CRYBG2: variants seen among roughly 807,000 people sequenced by gnomAD.
The protein encoded by CRYBG2 is beta/gamma crystallin domain-containing protein 2.
CRYBG2 carries 106 observed loss-of-function variants against 153.4 expected under a neutral mutation model. The ratio of observed to expected loss-of-function variants is 0.69; its 90% CI spans 0.59 to 0.81. The LOEUF is 0.81. Among genes scored for constraint, CRYBG2 ranks in the 30% least tolerant of loss-of-function variants. The pLI is 0.00. For synonymous variants in CRYBG2, 851 were observed against 877.8 expected, an observed-to-expected ratio of 0.97 and a Z score of 0.54; for missense variants, 1,996 against 2,112.0, an observed-to-expected ratio of 0.95 and a Z score of 1.08.
In CRYBG2 at chr1:26,344,753, C is replaced by T. The variant is rs760149462; in HGVS notation, c.1905G>A (p.Gln635=). ...GGATGCTACTGCTGCCTTTTGGGCC[C>T]TGGACAACCTCAGTTGACTTGGGGG... The part of the protein sequence containing the change: ...ALSPKSTEVV[Q]GPKGSSSIQK... Residue 635 remains glutamine, a synonymous_variant, in exon 2 of 20, where the codon CAG becomes CAA. Transcript: ENST00000308182. 1.7e-5 allele frequency: 26 copies of T among 1,536,070 alleles called. No individual in the cohort carries two copies. In the South Asian group the frequency reaches 2.9e-4, roughly 17 times the overall value.
chr1:26,341,509 T>A (rs1416479677), intron 5 of CRYBG2, among the ~76,000 whole-genome samples: 7 of 148,948 alleles, frequency 4.7e-5, no homozygotes, highest in Non-Finnish European at 8.8e-5. Context: ...AAATTATAAT[T>A]TTTTTTTACT....
intron 7 of CRYBG2, 95 bp from the exon 8 acceptor site, chr1:26,338,142 C>G (rs1399144017): frequency 1.3e-6 from 2 of 1,496,432 alleles, no homozygotes; most frequent in Admixed American, 2.0e-5. Context: ...GAACCCCAAC[C>G]CCATGTCTTC....
At position 26,336,682 on chromosome 1, in the gene CRYBG2, T is replaced by C. The variant is rs1370913375; in HGVS notation, c.3962A>G (p.Glu1321Gly). ...VGFSGEQYVL[E>G]KGVYRNCEDW... ...CTCGCAGTTACGATACACGCCCTTC[T>C]CCAGCACGTACTGTTCCCCGGAGAA... Residue 1321 changes from glutamate to glycine, a missense_variant, in exon 12 of 20, where the codon GAG (glutamate) becomes GGG (glycine). Transcript: ENST00000308182. The surrounding 1 kb of genome is among the most constrained non-coding windows in gnomAD (Gnocchi z 4.9). The C allele has an allele frequency of 6.4e-7, 1 of 1,563,690 alleles. No individual in the cohort carries two copies. Among genetic ancestry groups the C allele is most frequent in the Non-Finnish European group, 8.7e-7 (1 of 1,153,790 alleles).
At chr1:26,334,287 C>T (rs944305700) in intron 14 of CRYBG2, among the ~76,000 whole-genome samples, 33 of 152,100 alleles carry the variant, frequency 2.2e-4, no homozygotes, top group Middle Eastern at 3.4e-3. Flanking sequence ...TAGCCGGGCG[C>T]GGTGGCGTGC....
chr1:26,332,954 T>C (rs1244945560), intron 14 of CRYBG2, among the ~76,000 whole-genome samples: 1 of 140,570 alleles, frequency 7.1e-6, no homozygotes, highest in African/African-American at 2.7e-5. Context: ...AATGTATGAG[T>C]GTATATTTGC....
At chr1:26,342,636 C>T (rs1049168754) in intron 5 of CRYBG2, 118 bp downstream of exon 5, 34 of 1,459,166 alleles carry the variant, frequency 2.3e-5, no homozygotes, top group South Asian at 6.5e-5. Context: ...TGTCCTCAGC[C>T]GATCCACCTG....
intron 15 of CRYBG2, among the ~76,000 whole-genome samples, chr1:26,329,458 G>A (rs2073973397): frequency 6.6e-6 from 1 of 150,804 alleles, no homozygotes; most frequent in African/African-American, 2.4e-5. Flanking sequence ...TTACAGGGGT[G>A]AGCCACCATG....
In CRYBG2 at chr1:26,339,433, T is replaced by C; in HGVS notation, c.3205-4A>G. The C allele has an allele frequency of 6.2e-7, 1 of 1,613,540 alleles. No individual in the cohort carries two copies. Among genetic ancestry groups the C allele is most frequent in the Non-Finnish European group, 8.5e-7 (1 of 1,179,940 alleles). The stretch of plus-strand genomic sequence containing the variant: ...TGATTTCCGGGGTGCTGTAGTCCTG[T>C]GGAAGGAGGGGGAAAATTAAATATA... On this transcript the variant is annotated splice_polypyrimidine_tract_variant and splice_region_variant and intron_variant, in intron 5 of 19. Coordinates refer to ENST00000308182, the MANE Select transcript of CRYBG2 (RefSeq NM_001039775.4).
Position 26,336,316 on chromosome 1 carries a change from C to T in CRYBG2, c.4071+22G>A, listed in dbSNP as rs376253645. 3.0e-5 allele frequency: 49 copies of T among 1,613,020 alleles called. No individual in the cohort carries two copies. Among genetic ancestry groups the T allele is most frequent in the Non-Finnish European group, 4.2e-5 (49 of 1,179,506 alleles). On this transcript the variant is annotated intron_variant, in intron 13 of 19. Coordinates refer to ENST00000308182, the MANE Select transcript of CRYBG2 (RefSeq NM_001039775.4). The surrounding 1 kb of genome is among the most constrained non-coding windows in gnomAD (Gnocchi z 4.9). ...GGGGAGAGACGTGAGCCCAGCGGCTCCCTGCGGAGTCCCTGCCTTACCTTT... is the reference window on the plus strand; with the variant it reads ...GGGGAGAGACGTGAGCCCAGCGGCTTCCTGCGGAGTCCCTGCCTTACCTTT...
intron 1 of CRYBG2, among the ~76,000 whole-genome samples, chr1:26,353,223 G>A (rs2074304500): frequency 6.6e-6 from 1 of 152,080 alleles, no homozygotes; most frequent in Admixed American, 6.5e-5. Flanking sequence ...CCTACTCATG[G>A]GATGGTTGGG....
At position 26,336,534 on chromosome 1, in the gene CRYBG2, G is replaced by T. The variant is rs1460624333; in HGVS notation, c.4038+72C>A. 2 of 1,541,752 alleles carry T rather than the reference G, an allele frequency of 1.3e-6. No individual in the cohort carries two copies. Among genetic ancestry groups the T allele is most frequent in the Admixed American group, 2.0e-5 (1 of 49,292 alleles). On this transcript the variant is annotated intron_variant, in intron 12 of 19. Coordinates refer to ENST00000308182, the MANE Select transcript of CRYBG2 (RefSeq NM_001039775.4). This position sits in a 1 kb window ranked among gnomAD's most constrained non-coding sequence, Gnocchi z 4.9. Reference sequence around the variant, plus strand: ...AGGTCCTCCAGCCCGCTACCTCTGCGTGGGGGCGGGGCGCACCCGAACTCC... The same window carrying T: ...AGGTCCTCCAGCCCGCTACCTCTGCTTGGGGGCGGGGCGCACCCGAACTCC...
At chr1:26,338,196 C>T in intron 7 of CRYBG2, 149 bp from the exon 8 acceptor site, 1 of 1,401,210 alleles carries the variant, frequency 7.1e-7, no homozygotes, top group Non-Finnish European at 9.7e-7. Flanking sequence ...TCTCCTCCCA[C>T]TCCCATTCCC....
In CRYBG2 at chr1:26,324,151, C is replaced by T. The variant is rs751420327; in HGVS notation, c.4737+1G>A. 54 of 1,612,880 alleles carry T rather than the reference C, an allele frequency of 3.3e-5. No homozygotes were observed. The Admixed American group carries it at 9.0e-4, about 27-fold the overall frequency. ...CCCTGTGCCAGCCCCTGTATCAGTA[C>T]CTGGTTCTTCAGCAGCCCATCCTCG... On this transcript the variant is annotated splice_donor_variant, in intron 18 of 19. Transcript: ENST00000308182. LOFTEE classifies it high-confidence loss of function.
rs778443167 is a variant in CRYBG2, at chr1:26,345,182, G to T, written c.1476C>A (p.Pro492=). 2 of 1,427,282 alleles carry T rather than the reference G, an allele frequency of 1.4e-6. No individual in the cohort carries two copies. The highest frequency in any genetic ancestry group is 4.0e-5 in the Admixed American group (2 of 50,368). The allele number at this position is 1,427,282 out of a possible 1,614,324, so 88.4% of individuals were successfully genotyped here. The change falls in exon 2 of 20, where the codon CCC becomes CCA. Residue 492 remains proline (P), a synonymous_variant. Coordinates refer to ENST00000308182, the MANE Select transcript of CRYBG2 (RefSeq NM_001039775.4). ...QGSSASAASS[P]TWKEVVKGPG... ...GGCCCTTCACGACCTCTTTCCAGGT[G>T]GGGGACGAGGCAGCAGAAGCACTGG...
At chr1:26,335,098 T>C (rs991897194) in intron 14 of CRYBG2, among the ~76,000 whole-genome samples, 6 of 142,408 alleles carry the variant, frequency 4.2e-5, no homozygotes, top group African/African-American at 1.3e-4. Context: ...CCTTGGCAAA[T>C]AGCCAATTCT....
chr1:26,322,764 A>G (rs1437794736), intron 18 of CRYBG2, among the ~76,000 whole-genome samples: 1 of 152,230 alleles, frequency 6.6e-6, no homozygotes, highest in Non-Finnish European at 1.5e-5. Context: ...GAAGAACTCA[A>G]TGCAGAGCCT....
Position 26,321,991 on chromosome 1 carries a change from T to C in CRYBG2, c.4963A>G (p.Ile1655Val), listed in dbSNP as rs2073862453. 1.3e-6 allele frequency: 2 copies of C among 1,599,684 alleles called. No homozygotes were observed. The highest frequency in any genetic ancestry group is 1.7e-6 in the Non-Finnish European group (2 of 1,169,204). ...TTTCAAAGCACGTGGATAGTCCAGA[T>C]CTGGGATGCCCTGTCCTCATCCGGC... Reference protein sequence around the residue: ...WEPDEDRASQIWTIHVL With the variant: ...WEPDEDRASQVWTIHVL The change falls in exon 20 of 20, where the codon ATC (isoleucine) becomes GTC (valine). Residue 1655 changes from isoleucine (I) to valine (V), a missense_variant. Physicochemically the swap from Ile to Val is conservative, Grantham distance 29. Transcript: ENST00000308182.
chr1:26,323,665 C>T (rs137883204), intron 18 of CRYBG2, among the ~76,000 whole-genome samples: 7 of 152,056 alleles, frequency 4.6e-5, no homozygotes, highest in Admixed American at 2.6e-4. Flanking sequence ...GTCACCAAGG[C>T]TGGAGTGCAG....
At chr1:26,326,841 G>A (rs1055089160) in intron 17 of CRYBG2, 12 of 514,772 alleles carry the variant, frequency 2.3e-5, no homozygotes, top group Non-Finnish European at 4.6e-5. Flanking sequence ...TGCCCAGGCA[G>A]ACTTCAAGGG....
Sources: allele counts gnomAD v4.1 joint callset (sites outside exome capture counted in the v4.1 genomes callset), GRCh38; gene constraint gnomAD v4.1.1; non-coding constraint Gnocchi (gnomAD v3.1); transcripts MANE v1.5; gene names NCBI Gene and HGNC (gene_info 2026-07-23, HGNC 2026-07-21).